FANCC: variants seen among roughly 807,000 people sequenced by gnomAD.
FANCC encodes Fanconi anemia group C protein.
In FANCC, 55 loss-of-function variants were observed where a neutral mutation model predicts 71.3. That is an observed-to-expected ratio of 0.77 (90% CI 0.62 to 0.97). The LOEUF (loss-of-function observed/expected upper bound fraction) is 0.97, where lower values mean the gene tolerates loss of function less well. Ranked by LOEUF, FANCC falls within the 50% of genes least tolerant of loss-of-function variation. The pLI is 0.00. For missense variants in FANCC, 678 were observed against 670.9 expected (o/e 1.01, Z -0.12); for synonymous variants, 275 against 244.9 (o/e 1.12, Z -1.15).
At chr9:95,160,469 C>G (rs1830679335) in intron 6 of FANCC, among the ~76,000 whole-genome samples, 1 of 152,156 alleles carries the variant, frequency 6.6e-6, no homozygotes, top group African/African-American at 2.4e-5. Flanking sequence ...CATGATGCCT[C>G]CAGCTTTGTT....
chr9:95,166,434 G>A (rs1162889662), intron 6 of FANCC, among the ~76,000 whole-genome samples: 2 of 151,888 alleles, frequency 1.3e-5, no homozygotes, highest in Non-Finnish European at 2.9e-5. Flanking sequence ...ACATCTTAGA[G>A]TTATAACAAC....
intron 4 of FANCC, among the ~76,000 whole-genome samples, chr9:95,184,259 C>A (rs1021580824): frequency 6.6e-6 from 1 of 151,840 alleles, no homozygotes; most frequent in Non-Finnish European, 1.5e-5. Context: ...TATCAAAATG[C>A]CCAAACTGAC....
intron 4 of FANCC, among the ~76,000 whole-genome samples, chr9:95,208,541 C>T (rs1828294456): frequency 6.6e-6 from 1 of 152,156 alleles, no homozygotes; most frequent in South Asian, 2.1e-4. Flanking sequence ...ACTGTTAAAA[C>T]TTAACTAGAA....
At chr9:95,167,028 G>C (rs1208706083) in intron 6 of FANCC, among the ~76,000 whole-genome samples, 1 of 152,084 alleles carries the variant, frequency 6.6e-6, no homozygotes. Flanking sequence ...ATCTGGGAAT[G>C]TCTTTTTTTC....
rs1026945471 is a variant in FANCC, at chr9:95,100,927, G to T, written c.*780C>A. On this transcript the variant is annotated 3_prime_UTR_variant, in exon 15 of 15. Transcript: ENST00000289081. ...TCACAGGTGTGAGCCACTGCACCCAGCCAGGCCAATTCTTTATCAGGAATT... is the reference window on the plus strand; with the variant it reads ...TCACAGGTGTGAGCCACTGCACCCATCCAGGCCAATTCTTTATCAGGAATT... 2 of 232,958 alleles carry T rather than the reference G, an allele frequency of 8.6e-6. No individual in the cohort carries two copies. Among genetic ancestry groups the T allele is most frequent in the Admixed American group, 1.1e-4 (2 of 17,778 alleles). The allele number at this position is 232,958 out of a possible 1,614,324, so 14.4% of individuals were successfully genotyped here.
At chr9:95,154,070 A>T (rs1270619353) in intron 6 of FANCC, among the ~76,000 whole-genome samples, 2 of 151,842 alleles carry the variant, frequency 1.3e-5, no homozygotes, top group African/African-American at 2.4e-5. Context: ...ATATGGTGAA[A>T]CCCCATCTCT....
rs1000381511 is a variant in FANCC at position 95,099,253 on chromosome 9, T to C, written c.*2454A>G. ...CAGCATGCTTTATCAAAAACTAAACTATCAGGGAGAGTCTACAAAAACTCC... is the reference window on the plus strand; with the variant it reads ...CAGCATGCTTTATCAAAAACTAAACCATCAGGGAGAGTCTACAAAAACTCC... On this transcript the variant is annotated 3_prime_UTR_variant, in exon 15 of 15. Coordinates refer to ENST00000289081, the MANE Select transcript of FANCC (RefSeq NM_000136.3). 4.6e-6 allele frequency: 1 copy of C among 219,060 alleles called. No individual in the cohort carries two copies. Among genetic ancestry groups the C allele is most frequent in the Admixed American group, 5.8e-5 (1 of 17,228 alleles). 13.6% of individuals were successfully genotyped at this position (219,060 alleles called of 1,614,324 possible).
At chr9:95,197,203 C>T (rs1424171134) in intron 4 of FANCC, among the ~76,000 whole-genome samples, 1 of 152,088 alleles carries the variant, frequency 6.6e-6, no homozygotes, top group African/African-American at 2.4e-5. Context: ...CCCTTTGAAG[C>T]CCATCCATGA....
intron 4 of FANCC, among the ~76,000 whole-genome samples, chr9:95,209,859 A>C (rs973142267): frequency 6.6e-6 from 1 of 152,198 alleles, no homozygotes; most frequent in East Asian, 1.9e-4. Context: ...TCCAGCGAGC[A>C]GCCTGCTAAA....
intron 1 of FANCC, among the ~76,000 whole-genome samples, chr9:95,278,587 C>G (rs964390142): frequency 7.2e-5 from 11 of 152,234 alleles, no homozygotes; most frequent in African/African-American, 2.6e-4. Context: ...GTCAGCCCAG[C>G]AATCACAGGG....
chr9:95,278,669 G>A (rs1484869213), intron 1 of FANCC, among the ~76,000 whole-genome samples: 1 of 152,098 alleles, frequency 6.6e-6, no homozygotes, highest in Non-Finnish European at 1.5e-5. Context: ...TGTATTAAGT[G>A]AATTTCTGAC....
At chr9:95,280,867 T>A (rs1176917074) in intron 1 of FANCC, among the ~76,000 whole-genome samples, 1 of 152,188 alleles carries the variant, frequency 6.6e-6, no homozygotes, top group Admixed American at 6.5e-5. Context: ...AATAATTTTT[T>A]AAAATCAAAC....
At chr9:95,283,075 CTTGTT>C (rs1008927406) in intron 1 of FANCC, among the ~76,000 whole-genome samples, 2 of 152,072 alleles carry the variant, frequency 1.3e-5, no homozygotes, top group African/African-American at 2.4e-5. Context: ...TTATGAGAAA[CTTGTT>C]TTGTTGTTGT....
intron 1 of FANCC, among the ~76,000 whole-genome samples, chr9:95,279,909 T>C (rs890033524): frequency 3.6e-5 from 5 of 138,252 alleles, no homozygotes; most frequent in Admixed American, 2.3e-4. Context: ...GATCGTGCCA[T>C]TGCACTCCAG....
At chr9:95,239,725 T>A (rs1002647900) in intron 4 of FANCC, among the ~76,000 whole-genome samples, 5 of 152,314 alleles carry the variant, frequency 3.3e-5, no homozygotes, top group Admixed American at 3.3e-4. Context: ...CTCCCTTCTA[T>A]CTTTCAAACA....
intron 1 of FANCC, chr9:95,294,687 C>T (rs1348012209): frequency 1.5e-5 from 24 of 1,595,396 alleles, no homozygotes; most frequent in South Asian, 5.5e-5. Context: ...TCACCAACAA[C>T]GAAACTCAAA....
At position 95,143,596 on chromosome 9, in the gene FANCC, C is replaced by T. The variant is rs113810756; in HGVS notation, c.686+6327G>A. 3.9e-3 allele frequency among the ~76,000 whole-genome samples: 593 copies of T among 152,316 alleles called. 3 individuals are homozygous for T. The highest frequency in any genetic ancestry group is 0.014 in the African/African-American group (567 of 41,574). ...CAAATGCACATTTCTTATTATATCA[C>T]GAGATCACCGTCATGCCTTCATTCT... On this transcript the variant is annotated intron_variant, in intron 7 of 14. Transcript: ENST00000289081.
chr9:95,295,980 C>T (rs1405518199), intron 1 of FANCC, among the ~76,000 whole-genome samples: 1 of 152,018 alleles, frequency 6.6e-6, no homozygotes, highest in Non-Finnish European at 1.5e-5. Flanking sequence ...AGTGTTCTTA[C>T]CATACACAAA....
chr9:95,115,208 C>G (rs963732038), intron 11 of FANCC, among the ~76,000 whole-genome samples: 4 of 152,104 alleles, frequency 2.6e-5, no homozygotes, highest in African/African-American at 9.7e-5. Flanking sequence ...TCCCAAAGTG[C>G]TGGAATTACA....
Sources: allele counts gnomAD v4.1 joint callset (sites outside exome capture counted in the v4.1 genomes callset), GRCh38; gene constraint gnomAD v4.1.1; transcripts MANE v1.5; gene names NCBI Gene and HGNC (gene_info 2026-07-23, HGNC 2026-07-21).